UROC1: variants seen among roughly 807,000 people sequenced by gnomAD.
The protein encoded by UROC1 is urocanate hydratase 1.
A neutral mutation model predicts 89.5 loss-of-function variants in UROC1; 79 were observed. That is an observed-to-expected ratio of 0.88 (90% CI 0.74 to 1.06). The LOEUF (loss-of-function observed/expected upper bound fraction) is 1.06, where lower values mean the gene tolerates loss of function less well. UROC1 is among the 50% of genes least tolerant of loss of function. The probability of loss-of-function intolerance (pLI) is 0.00; values close to 1 mark genes in which losing one functional copy is unlikely to be tolerated. For missense variants in UROC1, 885 were observed against 907.8 expected (o/e 0.97, Z 0.32); for synonymous variants, 361 against 354.8 (o/e 1.02, Z -0.20).
intron 17 of UROC1, 59 bp from the exon 18 acceptor site, chr3:126,488,338 A>G (rs986315493): frequency 2.5e-5 from 40 of 1,598,084 alleles, no homozygotes; most frequent in Non-Finnish European, 2.9e-5. Context: ...CACCTGGCTC[A>G]GTCAGGCCAG....
chr3:126,510,912 G>A, intron 1 of UROC1, 118 bp from the exon 2 acceptor site: 1 of 1,444,890 alleles, frequency 6.9e-7, no homozygotes, highest in Admixed American at 2.1e-5. Context: ...TCAGAAGCCT[G>A]TTGCCCACCC....
intron 1 of UROC1, among the ~76,000 whole-genome samples, chr3:126,514,629 A>C (rs1166494865): frequency 6.6e-6 from 1 of 152,090 alleles, no homozygotes; most frequent in East Asian, 1.9e-4. Context: ...GAACAATCTG[A>C]AAAAACCTAA....
chr3:126,506,825 C>A (rs947069658), intron 6 of UROC1, among the ~76,000 whole-genome samples: 3 of 152,220 alleles, frequency 2.0e-5, no homozygotes, highest in Non-Finnish European at 2.9e-5. Context: ...TGCCTGTAAT[C>A]CCAACACTTT....
chr3:126,488,371 GCT>G, intron 17 of UROC1, 92 bp from the exon 18 acceptor site: 2 of 1,472,990 alleles, frequency 1.4e-6, no homozygotes, highest in African/African-American at 1.4e-5. Context: ...AGCCAGCACT[GCT>G]AGGCCAGAAG....
chr3:126,509,172 G>A (rs1311458211), intron 3 of UROC1, among the ~76,000 whole-genome samples: 2 of 151,076 alleles, frequency 1.3e-5, no homozygotes, highest in African/African-American at 4.9e-5. Flanking sequence ...GGAGGTTGAG[G>A]TTGCAGTGAG....
At chr3:126,488,522 G>A (rs1208305652) in intron 17 of UROC1, among the ~76,000 whole-genome samples, 3 of 152,262 alleles carry the variant, frequency 2.0e-5, no homozygotes, top group Non-Finnish European at 4.4e-5. Context: ...CTGGGCACCA[G>A]CTAAAGCACT....
rs961077261 is a variant in UROC1, at chr3:126,501,210, C to G, written c.965+8G>C. The G allele has an allele frequency of 3.1e-6, 5 of 1,614,136 alleles. No individual in the cohort carries two copies. The highest frequency in any genetic ancestry group is 2.2e-5 in the East Asian group (1 of 44,878). ...CAAGCTGGCCATCAACTCCCAACCC[C>G]CACTCACCAAAGAGCCACCACGTTG... On this transcript the variant is annotated splice_region_variant and intron_variant, in intron 10 of 19. Coordinates refer to ENST00000290868, the MANE Select transcript of UROC1 (RefSeq NM_144639.3).
At chr3:126,496,944 C>T (rs1217121506) in intron 14 of UROC1, among the ~76,000 whole-genome samples, 2 of 152,106 alleles carry the variant, frequency 1.3e-5, no homozygotes, top group African/African-American at 2.4e-5. Flanking sequence ...CCAGGGTCTT[C>T]GTGGGTGCAG....
At chr3:126,492,300 T>A in intron 16 of UROC1, 118 bp downstream of exon 16, 1 of 985,084 alleles carries the variant, frequency 1.0e-6, no homozygotes, top group Non-Finnish European at 1.6e-6. Flanking sequence ...CCAACGGGGG[T>A]GTCTCCCCAC....
intron 16 of UROC1, among the ~76,000 whole-genome samples, chr3:126,491,815 G>A (rs1371549133): frequency 6.6e-6 from 1 of 152,184 alleles, no homozygotes; most frequent in Non-Finnish European, 1.5e-5. Flanking sequence ...CCATAAAGAT[G>A]TTTAAAGTTA....
intron 10 of UROC1, 32 bp downstream of exon 10, chr3:126,501,186 A>G (rs1935912565): frequency 1.2e-6 from 2 of 1,612,368 alleles, no homozygotes; most frequent in Non-Finnish European, 1.7e-6. Flanking sequence ...CTGGGTTCCC[A>G]AGCTGGCCAT....
At chr3:126,509,877 C>G (rs1045820856) in intron 2 of UROC1, among the ~76,000 whole-genome samples, 199 bp from the exon 3 acceptor site, 9 of 152,234 alleles carry the variant, frequency 5.9e-5, no homozygotes, top group Admixed American at 1.3e-4. Flanking sequence ...ACCCTGCTCT[C>G]CCTCCCCACT....
chr3:126,487,217 G>A (rs1235871800), intron 18 of UROC1, among the ~76,000 whole-genome samples: 3 of 152,214 alleles, frequency 2.0e-5, no homozygotes, highest in South Asian at 2.1e-4. Context: ...GGGTCAGACC[G>A]TGGCTCCATC....
At chr3:126,502,470 T>A (rs1015117840) in intron 9 of UROC1, among the ~76,000 whole-genome samples, 4 of 152,100 alleles carry the variant, frequency 2.6e-5, no homozygotes, top group Non-Finnish European at 5.9e-5. Flanking sequence ...TGTGTGTGCA[T>A]GTGTGTGCAT....
In UROC1 at chr3:126,514,287, C is replaced by T. The variant is rs570601667; in HGVS notation, c.126+3307G>A. Reference sequence around the variant, plus strand: ...TGGGGACACAGACGCTGGCCATCTTCGGATCTGCTGTTGGATGCCTGGCAC... The same window carrying T: ...TGGGGACACAGACGCTGGCCATCTTTGGATCTGCTGTTGGATGCCTGGCAC... On this transcript the variant is annotated intron_variant, in intron 1 of 19. Transcript: ENST00000290868. Among the ~76,000 whole-genome samples, 24 of 152,322 alleles carry T rather than the reference C, an allele frequency of 1.6e-4. 1 individual carries two copies. Among genetic ancestry groups the T allele is most frequent in the African/African-American group, 4.8e-4 (20 of 41,568 alleles).
At chr3:126,516,261 A>C (rs1474199389) in intron 1 of UROC1, among the ~76,000 whole-genome samples, 3 of 1,046 alleles carry the variant, frequency 2.9e-3, no homozygotes, top group East Asian at 0.015. Context: ...CCACCCCCTC[A>C]TCACCCCAGC....
chr3:126,492,522 G>C lies in UROC1; in HGVS notation c.1510-6C>G, dbSNP rs116286432. On this transcript the variant is annotated splice_polypyrimidine_tract_variant and splice_region_variant and intron_variant, in intron 15 of 19. Coordinates refer to ENST00000290868, the MANE Select transcript of UROC1 (RefSeq NM_144639.3). ...CTTGCCTGGGAGCCCACCACCTGAG[G>C]AGAGAAGGGCAACTGGCATCTCAGC... 6.2e-7 allele frequency: 1 copy of C among 1,609,678 alleles called. No homozygotes were observed. The highest frequency in any genetic ancestry group is 2.2e-5 in the East Asian group (1 of 44,842).
At chr3:126,482,625 C>G (rs573285207) in intron 19 of UROC1, 140 bp from the exon 20 acceptor site, 1 of 1,276,210 alleles carries the variant, frequency 7.8e-7, no homozygotes, top group African/African-American at 1.5e-5. Context: ...GTGTCTGCCC[C>G]ATTTCCACCC....
chr3:126,515,381 G>A lies in UROC1; in HGVS notation c.126+2213C>T, dbSNP rs189395529. ...GCCCCTGAGTACCCACCACCTACCC[G>A]CCCCCGTCCAGGACCCACCACTTAC... On this transcript the variant is annotated intron_variant, in intron 1 of 19. Coordinates refer to ENST00000290868, the MANE Select transcript of UROC1 (RefSeq NM_144639.3). 1.8e-3 allele frequency among the ~76,000 whole-genome samples: 174 copies of A among 97,782 alleles called. 1 individual carries two copies. Among genetic ancestry groups the A allele is most frequent in the East Asian group, 0.012 (39 of 3,312 alleles). The allele number at this position is 97,782 out of a possible 152,430, so 64.1% of individuals were successfully genotyped here.
Sources: gnomAD v4.1 joint callset for allele counts (sites outside exome capture counted in the v4.1 genomes callset) on GRCh38, gnomAD v4.1.1 for gene constraint, MANE v1.5 for transcripts, NCBI Gene and HGNC (gene_info 2026-07-23, HGNC 2026-07-21) for gene names.